The following ALG12 variants were observed in gnomAD, a reference collection of about 807,000 sequenced individuals.
The protein encoded by ALG12 is ALG12 alpha-1,6-mannosyltransferase.
ALG12 carries 36 observed loss-of-function variants against 46.0 expected under a neutral mutation model. The ratio of observed to expected loss-of-function variants is 0.78; its 90% CI spans 0.60 to 1.03. ALG12 has a LOEUF of 1.03. Ranked by LOEUF, ALG12 falls within the 50% of genes least tolerant of loss-of-function variation. ALG12 has a pLI of 0.00. For missense variants in ALG12, 599 were observed against 633.5 expected, an observed-to-expected ratio of 0.95 and a Z score of 0.58; for synonymous variants, 326 against 291.6, an observed-to-expected ratio of 1.12 and a Z score of -1.20.
At chr22:49,910,739 C>T (rs749193847) in intron 3 of ALG12, 132 bp from the exon 4 acceptor site, 18 of 1,108,134 alleles carry the variant, frequency 1.6e-5, no homozygotes, top group South Asian at 3.8e-5. Context: ...CTGACGGCTA[C>T]GTCAGGCAAA....
chr22:49,860,348 A>G, the ALG12 span, among the ~76,000 whole-genome samples: 1 of 152,170 alleles, frequency 6.6e-6, no homozygotes, highest in East Asian at 1.9e-4. Flanking sequence ...GTTTTACTTA[A>G]TTTCTTTGAT....
At chr22:49,890,858 A>G in the ALG12 span, among the ~76,000 whole-genome samples, 1 of 152,090 alleles carries the variant, frequency 6.6e-6, no homozygotes, top group South Asian at 2.1e-4. Flanking sequence ...CGTCTCCACT[A>G]AAAATACAAA....
At chr22:49,884,421 G>T in the ALG12 span, 6 of 1,613,924 alleles carry the variant, frequency 3.7e-6, no homozygotes, top group Non-Finnish European at 5.1e-6. Flanking sequence ...CCCTGGTGGG[G>T]TCGTCTCCCC....
At chr22:49,862,763 G>A in the ALG12 span, among the ~76,000 whole-genome samples, 4 of 124,894 alleles carry the variant, frequency 3.2e-5, no homozygotes, top group East Asian at 7.7e-4. Flanking sequence ...GTGCAGTGTC[G>A]TGATCTCGGC....
rs78916708 is a variant in ALG12 at position 49,910,421 on chromosome 22, G to T, written c.469+13C>A. Reference sequence around the variant, plus strand: ...GCACCATGGGTGTGCAGGCCCGGCCGGCAGCTACGTACCTACAGGCAGGGC... The same window carrying T: ...GCACCATGGGTGTGCAGGCCCGGCCTGCAGCTACGTACCTACAGGCAGGGC... On this transcript the variant is annotated intron_variant, in intron 4 of 9. Transcript: ENST00000330817. 1 of 1,612,636 alleles carries T rather than the reference G, an allele frequency of 6.2e-7. No individual in the cohort carries two copies. The highest frequency in any genetic ancestry group is 1.7e-5 in the Admixed American group (1 of 59,942).
At chr22:49,882,845 G>T in the ALG12 span, among the ~76,000 whole-genome samples, 1 of 152,236 alleles carries the variant, frequency 6.6e-6, no homozygotes, top group Non-Finnish European at 1.5e-5. Context: ...AGATGCAGGA[G>T]CCACTGTGGT....
intron 5 of ALG12, 103 bp from the exon 6 acceptor site, chr22:49,909,450 T>A (rs1009599151): frequency 4.1e-6 from 5 of 1,221,682 alleles, no homozygotes; most frequent in African/African-American, 3.0e-5. Flanking sequence ...GCTGCTTTCA[T>A]ATAAAAGAGG....
At chr22:49,892,135 C>A in the ALG12 span, among the ~76,000 whole-genome samples, 1 of 141,346 alleles carries the variant, frequency 7.1e-6, no homozygotes. Flanking sequence ...TTGCAGTAAG[C>A]CGAGATCGTG....
chr22:49,875,109 T>G, the ALG12 span, among the ~76,000 whole-genome samples: 1 of 152,230 alleles, frequency 6.6e-6, no homozygotes, highest in Admixed American at 6.5e-5. Context: ...TCTGTGCTCA[T>G]AGGGTATCAA....
the ALG12 span, among the ~76,000 whole-genome samples, chr22:49,866,743 G>A: frequency 3.3e-5 from 5 of 152,126 alleles, no homozygotes; most frequent in Non-Finnish European, 7.4e-5. Flanking sequence ...ATTCTTTTCT[G>A]TTGCCTATTA....
intron 7 of ALG12, 79 bp downstream of exon 7, chr22:49,907,642 A>G (rs1185890885): frequency 2.0e-6 from 3 of 1,473,828 alleles, no homozygotes; most frequent in East Asian, 2.4e-5. Context: ...AAACACACAC[A>G]TACATCCCCC....
At chr22:49,897,888 T>C (rs1264495928), downstream of ALG12, among the ~76,000 whole-genome samples, 1 of 152,066 alleles carries the variant, frequency 6.6e-6, no homozygotes, top group Admixed American at 6.6e-5. Context: ...CTCAACCTCC[T>C]GACCTCGTGA....
the ALG12 span, chr22:49,884,378 T>C: frequency 2.0e-5 from 33 of 1,612,758 alleles, no homozygotes; most frequent in African/African-American, 3.9e-4. Flanking sequence ...TCCTCTGACA[T>C]GTCCGTTTCG....
rs1178906950 is a variant in ALG12, at chr22:49,904,486, G to T, written c.1013C>A (p.Ser338Tyr). 6.2e-7 allele frequency: 1 copy of T among 1,614,178 alleles called. No individual in the cohort carries two copies. The highest frequency in any genetic ancestry group is 2.2e-5 in the East Asian group (1 of 44,882). ...CAGAGACCCCGCTTTGTACAGCCAAGACTTTTTATAGTTATTCAGCCTGAA... is the reference window on the plus strand; with the variant it reads ...CAGAGACCCCGCTTTGTACAGCCAATACTTTTTATAGTTATTCAGCCTGAA... Reference protein sequence around the residue: ...CSYLLNNYKKSWLYKAGSLLV... With the variant: ...CSYLLNNYKKYWLYKAGSLLV... The change falls in exon 8 of 10, where the codon TCT becomes TAT. Residue 338 changes from serine (S) to tyrosine (Y), a missense_variant. Transcript: ENST00000330817.
chr22:49,876,314 T>C, the ALG12 span, among the ~76,000 whole-genome samples: 1 of 152,230 alleles, frequency 6.6e-6, no homozygotes, highest in African/African-American at 2.4e-5. Flanking sequence ...GTTGTTTGAA[T>C]CTTCCGTGTC....
rs1015611771 is a variant in ALG12 at position 49,910,537 on chromosome 22, G to A, written c.366C>T (p.Phe122=). ...AGAACATGGTGGCCACCATGGCCCCGAAGTGCCGTCTCACTTCCTTTTGTA... is the reference window on the plus strand; with the variant it reads ...AGAACATGGTGGCCACCATGGCCCCAAAGTGCCGTCTCACTTCCTTTTGTA... ...WTLQKEVRRH[F]GAMVATMFCW... is the part of the protein sequence containing the mutation. Residue 122 remains phenylalanine (F), a synonymous_variant, in exon 4 of 10, where the codon TTC becomes TTT. Transcript: ENST00000330817. The A allele has an allele frequency of 6.8e-6, 11 of 1,613,982 alleles. 1 individual carries two copies. Among genetic ancestry groups the A allele is most frequent in the East Asian group, 2.2e-5 (1 of 44,890 alleles).
At chr22:49,904,537 A>G in intron 7 of ALG12, 31 bp from the exon 8 acceptor site, 2 of 1,613,052 alleles carry the variant, frequency 1.2e-6, no homozygotes, top group Non-Finnish European at 1.7e-6. Flanking sequence ...CATCATAGGC[A>G]GAACGTAATG....
rs1281809345 is a variant in ALG12 at position 49,910,049 on chromosome 22, G to A, written c.509C>T (p.Ala170Val). The A allele has an allele frequency of 6.2e-7, 1 of 1,612,528 alleles. No homozygotes were observed. Among genetic ancestry groups the A allele is most frequent in the African/African-American group, 1.3e-5 (1 of 75,060 alleles). Residue 170 changes from alanine to valine, a missense_variant, in exon 5 of 10, where the codon GCC becomes GTC. Coordinates refer to ENST00000330817, the MANE Select transcript of ALG12 (RefSeq NM_024105.4). ...ALAAWLRHEW[A>V]RFIWLSAFAI... ...GAAGGCTGACAGCCAGATGAAGCGG[G>A]CCCACTCGTGCCGCAGCCAGGCCGC...
At chr22:49,884,408 A>C in the ALG12 span, 11 of 1,613,296 alleles carry the variant, frequency 6.8e-6, no homozygotes, top group East Asian at 4.5e-5. Context: ...GGCAGAGAAG[A>C]AGCCCTGGTG....
Sources: gnomAD v4.1 joint callset for allele counts (sites outside exome capture counted in the v4.1 genomes callset) on GRCh38, gnomAD v4.1.1 for gene constraint, MANE v1.5 for transcripts, NCBI Gene and HGNC (gene_info 2026-07-23, HGNC 2026-07-21) for gene names.